EMC2: variants seen among roughly 807,000 people sequenced by gnomAD.
The protein encoded by EMC2 is TPR repeat protein 35.
Under a neutral mutation model 51.6 loss-of-function variants are expected in EMC2, and 37 were observed. The ratio of observed to expected loss-of-function variants is 0.72; its 90% CI spans 0.55 to 0.94. The LOEUF is 0.94. Among genes scored for constraint, EMC2 ranks in the 40% least tolerant of loss-of-function variants. EMC2 has a pLI of 0.00. For missense variants in EMC2, 359 were observed against 350.9 expected (o/e 1.02, Z -0.18); for synonymous variants, 131 against 112.4 (o/e 1.17, Z -1.04).
rs150920767 is a variant in EMC2 at position 108,463,816 on chromosome 8, G to A, written c.364-6010G>A. Among the ~76,000 whole-genome samples the A allele has an allele frequency of 3.6e-3, 548 of 152,058 alleles. 5 individuals carry two copies. The highest frequency in any genetic ancestry group is 4.0e-3 in the Non-Finnish European group (270 of 67,940). On this transcript the variant is annotated intron_variant, in intron 5 of 10. Coordinates refer to ENST00000220853, the MANE Select transcript of EMC2 (RefSeq NM_014673.5). ...CCACTGAGACTGCCTAGAAAAGTCT[G>A]ACCAGCTAAATCTTATTGCTTAAAA...
chr8:108,478,018 C>T (rs899284886), intron 9 of EMC2, among the ~76,000 whole-genome samples: 6 of 151,870 alleles, frequency 4.0e-5, no homozygotes, highest in Non-Finnish European at 2.9e-5. Context: ...GAGTTTTTCT[C>T]GTAACCACTG....
intron 10 of EMC2, among the ~76,000 whole-genome samples, chr8:108,483,038 A>G (rs1412531323): frequency 6.6e-6 from 1 of 152,092 alleles, no homozygotes; most frequent in Non-Finnish European, 1.5e-5. Flanking sequence ...ATTTGAACCC[A>G]TGTTGTCTGG....
At chr8:108,481,771 C>CTAT (rs1169559980) in intron 10 of EMC2, among the ~76,000 whole-genome samples, 1 of 152,128 alleles carries the variant, frequency 6.6e-6, no homozygotes. Flanking sequence ...AGAGTACTCA[C>CTAT]TTATAACCCT....
intron 5 of EMC2, among the ~76,000 whole-genome samples, chr8:108,462,178 G>A (rs1018317237): frequency 5.3e-5 from 6 of 113,292 alleles, no homozygotes; most frequent in African/African-American, 2.0e-4. Context: ...AGGCCTGCGC[G>A]TGTGTGTGTG....
At chr8:108,466,247 G>A (rs982147538) in intron 5 of EMC2, among the ~76,000 whole-genome samples, 2 of 152,132 alleles carry the variant, frequency 1.3e-5, no homozygotes, top group African/African-American at 4.8e-5. Flanking sequence ...AAATGGGATT[G>A]AGAGTAGGTA....
chr8:108,471,597 CTTAG>C (rs1359464190), intron 7 of EMC2, among the ~76,000 whole-genome samples: 1 of 151,680 alleles, frequency 6.6e-6, no homozygotes, highest in Non-Finnish European at 1.5e-5. Flanking sequence ...TATACTTTCC[CTTAG>C]TTATATTTTG....
chr8:108,457,987 G>A (rs1197298614), intron 5 of EMC2, among the ~76,000 whole-genome samples: 1 of 152,170 alleles, frequency 6.6e-6, no homozygotes, highest in Non-Finnish European at 1.5e-5. Context: ...GGGGGTACAG[G>A]CATTGGATAA....
At chr8:108,462,882 A>G (rs1198864425) in intron 5 of EMC2, among the ~76,000 whole-genome samples, 1 of 151,568 alleles carries the variant, frequency 6.6e-6, no homozygotes, top group Non-Finnish European at 1.5e-5. Context: ...ATGGGATTAC[A>G]GGAGTGAGAA....
At chr8:108,485,066 G>A (rs1012633053) in intron 10 of EMC2, among the ~76,000 whole-genome samples, 2 of 151,718 alleles carry the variant, frequency 1.3e-5, no homozygotes, top group Non-Finnish European at 2.9e-5. Context: ...TAATCTAATG[G>A]TTTAGAGTGT....
At chr8:108,483,939 C>T (rs533966461) in intron 10 of EMC2, among the ~76,000 whole-genome samples, 16 of 151,998 alleles carry the variant, frequency 1.1e-4, no homozygotes, top group East Asian at 3.9e-4. Context: ...TATAATATTT[C>T]GTATGGGATT....
intron 7 of EMC2, chr8:108,475,394 A>G (rs576744019): frequency 6.6e-6 from 1 of 152,226 alleles, no homozygotes; most frequent in East Asian, 1.9e-4. Context: ...AACTTAAGTA[A>G]TGAGAGAAAT....
intron 10 of EMC2, among the ~76,000 whole-genome samples, chr8:108,485,866 T>A (rs1811128931): frequency 6.6e-6 from 1 of 151,788 alleles, no homozygotes; most frequent in Admixed American, 6.6e-5. Context: ...AGTTTTATAA[T>A]GTAAATAAAT....
chr8:108,475,109 T>G (rs1387742528), intron 7 of EMC2: 1 of 152,004 alleles, frequency 6.6e-6, no homozygotes, highest in African/African-American at 2.4e-5. Flanking sequence ...GAAGAAATCT[T>G]GTAACACCTG....
intron 3 of EMC2, among the ~76,000 whole-genome samples, chr8:108,452,654 A>G (rs1403635752): frequency 6.6e-6 from 1 of 152,212 alleles, no homozygotes; most frequent in Admixed American, 6.5e-5. Context: ...TAGGAACTTG[A>G]GATGACTACT....
rs765417799 is a variant in EMC2, at chr8:108,443,638, CT to C, written c.-20del. ...TGCGTCTCCCCGCCCTCTCACCCCG[CT>C]GCCTCTAGGTTCTGGGAAGATGGCG... On this transcript the variant is annotated 5_prime_UTR_variant, in exon 1 of 11. Transcript: ENST00000220853. 6.2e-6 allele frequency: 10 copies of C among 1,604,602 alleles called. No individual in the cohort carries two copies. The highest frequency in any genetic ancestry group is 8.5e-6 in the Non-Finnish European group (10 of 1,175,312).
At chr8:108,473,757 A>G (rs1810901040) in intron 7 of EMC2, 1 of 152,188 alleles carries the variant, frequency 6.6e-6, no homozygotes. Flanking sequence ...CTTTAGTTAT[A>G]TATACTTTTG....
chr8:108,450,650 T>G (rs1350099270), intron 3 of EMC2, among the ~76,000 whole-genome samples, 158 bp downstream of exon 3: 1 of 152,226 alleles, frequency 6.6e-6, no homozygotes, highest in Non-Finnish European at 1.5e-5. Flanking sequence ...GGACAAAGTA[T>G]CTTATATCTT....
intron 7 of EMC2, chr8:108,474,109 G>A (rs1311860734): frequency 6.6e-6 from 1 of 151,882 alleles, no homozygotes; most frequent in African/African-American, 2.4e-5. Context: ...AAAATTGGGG[G>A]AAGGAGTCCT....
At chr8:108,448,437 CCA>C (rs1478425140) in intron 1 of EMC2, among the ~76,000 whole-genome samples, 5 of 152,096 alleles carry the variant, frequency 3.3e-5, no homozygotes, top group Admixed American at 6.5e-5. Context: ...AGGAGGAGAC[CCA>C]CTGTGAGATG....
Sources: gnomAD v4.1 joint callset for allele counts (sites outside exome capture counted in the v4.1 genomes callset) on GRCh38, gnomAD v4.1.1 for gene constraint, MANE v1.5 for transcripts, NCBI Gene and HGNC (gene_info 2026-07-23, HGNC 2026-07-21) for gene names.